Variants in CACNA1D observed in about 807,000 individuals in gnomAD.
CACNA1D encodes the protein calcium voltage-gated channel subunit alpha1 D.
Under a neutral mutation model 257.1 loss-of-function variants are expected in CACNA1D, and 55 were observed. That is an observed-to-expected ratio of 0.21 (90% confidence interval 0.17 to 0.27). The LOEUF is 0.27. Ranked by LOEUF, CACNA1D falls within the 10% of genes least tolerant of loss-of-function variation. CACNA1D has a pLI of 1.00. For synonymous variants in CACNA1D, 980 were observed against 1,014.9 expected, an observed-to-expected ratio of 0.97 and a Z score of 0.65; for missense variants, 1,876 against 2,784.0, an observed-to-expected ratio of 0.67 and a Z score of 7.34.
intron 20 of CACNA1D, among the ~76,000 whole-genome samples, chr3:53,736,909 A>C (rs2095062859): frequency 6.6e-6 from 1 of 151,692 alleles, no homozygotes; most frequent in Admixed American, 6.6e-5. Context: ...AAAAAACAAA[A>C]AGAACTCTAG....
chr3:53,687,210 T>C (rs986033268), intron 8 of CACNA1D, among the ~76,000 whole-genome samples: 7 of 152,094 alleles, frequency 4.6e-5, no homozygotes, highest in African/African-American at 1.7e-4. Context: ...TTTTTCTCTA[T>C]GCATTGAATG....
intron 5 of CACNA1D, 135 bp from the exon 6 acceptor site, chr3:53,665,525 T>C: frequency 2.8e-6 from 2 of 725,156 alleles, no homozygotes; most frequent in Non-Finnish European, 2.4e-6. Context: ...TTAATATTAA[T>C]GAAAAGCTTT....
chr3:53,679,954 T>C (rs1036160156), intron 8 of CACNA1D, among the ~76,000 whole-genome samples: 1 of 152,220 alleles, frequency 6.6e-6, no homozygotes, highest in Non-Finnish European at 1.5e-5. Flanking sequence ...CTAAATTTCC[T>C]TTTTCTAATA....
intron 3 of CACNA1D, among the ~76,000 whole-genome samples, chr3:53,538,742 G>C (rs924295883): frequency 6.6e-6 from 1 of 152,140 alleles, no homozygotes; most frequent in African/African-American, 2.4e-5. Flanking sequence ...TCTGGAATCA[G>C]CCATTTTCTT....
chr3:53,677,212 G>A (rs2094385092), intron 8 of CACNA1D, among the ~76,000 whole-genome samples: 1 of 152,162 alleles, frequency 6.6e-6, no homozygotes, highest in South Asian at 2.1e-4. Context: ...CCATCCCTAT[G>A]GTGGCAGTGT....
At chr3:53,540,046 A>G (rs1204448810) in intron 3 of CACNA1D, among the ~76,000 whole-genome samples, 1 of 144,912 alleles carries the variant, frequency 6.9e-6, no homozygotes, top group Non-Finnish European at 1.5e-5. Flanking sequence ...GCTTATCTTC[A>G]CTTTCTTTAT....
intron 3 of CACNA1D, among the ~76,000 whole-genome samples, chr3:53,505,993 GGT>G (rs2090829728): frequency 6.6e-6 from 1 of 152,148 alleles, no homozygotes; most frequent in African/African-American, 2.4e-5. Flanking sequence ...GTATCTGCAT[GGT>G]CACGTAGTTC....
chr3:53,537,703 T>C (rs2092154799), intron 3 of CACNA1D, among the ~76,000 whole-genome samples: 1 of 152,228 alleles, frequency 6.6e-6, no homozygotes. Flanking sequence ...ACTTGGTTGT[T>C]GTCCTTTAAG....
chr3:53,615,934 T>C lies in CACNA1D; in HGVS notation c.484-34845T>C, dbSNP rs141185753. ...TTTGCTGCAGTTTCTGTATTTTTGT[T>C]ACAGCTGGCCTGTCAGTTCTCATAC... On this transcript the variant is annotated intron_variant, in intron 3 of 47. Coordinates refer to ENST00000350061, the MANE Select transcript of CACNA1D (RefSeq NM_001128840.3). Among the ~76,000 whole-genome samples the C allele has an allele frequency of 1.6e-4, 25 of 152,344 alleles. No individual in the cohort carries two copies. In the East Asian group the frequency reaches 4.2e-3, roughly 26 times the overall value.
At chr3:53,534,848 C>A (rs978460505) in intron 3 of CACNA1D, among the ~76,000 whole-genome samples, 9 of 152,220 alleles carry the variant, frequency 5.9e-5, no homozygotes, top group Non-Finnish European at 1.0e-4. Context: ...CGGGCCAGAT[C>A]ACCATTTGCA....
At chr3:53,776,782 A>C in intron 36 of CACNA1D, 52 bp downstream of exon 36, 1 of 1,614,158 alleles carries the variant, frequency 6.2e-7, no homozygotes, top group South Asian at 1.1e-5. Context: ...TTGGAATGTC[A>C]GCTTTTTTTG....
intron 3 of CACNA1D, among the ~76,000 whole-genome samples, chr3:53,520,890 C>CT (rs1553713090): frequency 6.9e-4 from 83 of 120,640 alleles, no homozygotes; most frequent in South Asian, 6.2e-3. Context: ...TTCTTTCTTT[C>CT]TTTCTTTTCT....
intron 8 of CACNA1D, among the ~76,000 whole-genome samples, chr3:53,678,600 G>T (rs955924183): frequency 1.3e-5 from 2 of 152,044 alleles, no homozygotes; most frequent in African/African-American, 4.8e-5. Flanking sequence ...TTTGAATCTC[G>T]CCTCCTACAT....
intron 20 of CACNA1D, among the ~76,000 whole-genome samples, chr3:53,737,305 G>A (rs1273081315): frequency 1.3e-5 from 2 of 152,190 alleles, no homozygotes; most frequent in African/African-American, 4.8e-5. Context: ...GGGAAAAAAT[G>A]TACTGAATTT....
At chr3:53,607,454 A>C (rs980020370) in intron 3 of CACNA1D, among the ~76,000 whole-genome samples, 3 of 152,244 alleles carry the variant, frequency 2.0e-5, no homozygotes, top group Non-Finnish European at 4.4e-5. Context: ...AGGAGAGGTC[A>C]GACTTAAAGA....
At chr3:53,730,133 C>T (rs913105712) in intron 15 of CACNA1D, among the ~76,000 whole-genome samples, 5 of 151,978 alleles carry the variant, frequency 3.3e-5, no homozygotes, top group African/African-American at 9.7e-5. Context: ...GCTATAGATA[C>T]GTAGATGTTT....
At chr3:53,712,445 G>A (rs1291405291) in intron 9 of CACNA1D, among the ~76,000 whole-genome samples, 1 of 152,180 alleles carries the variant, frequency 6.6e-6, no homozygotes, top group Non-Finnish European at 1.5e-5. Flanking sequence ...GTCTGGCCTT[G>A]ACCTCCATTC....
intron 3 of CACNA1D, among the ~76,000 whole-genome samples, chr3:53,563,866 T>TG (rs1165435662): frequency 1.3e-5 from 2 of 152,218 alleles, no homozygotes; most frequent in African/African-American, 4.8e-5. Flanking sequence ...GAATTTTTCT[T>TG]GATACATATG....
At chr3:53,731,915 G>T (rs2094996958) in intron 17 of CACNA1D, 101 bp from the exon 18 acceptor site, 11 of 792,234 alleles carry the variant, frequency 1.4e-5, no homozygotes, top group South Asian at 1.4e-4. Flanking sequence ...CAGCTTTGGG[G>T]AGGAATCCAT....
Sources: gnomAD v4.1 joint callset for allele counts (sites outside exome capture counted in the v4.1 genomes callset) on GRCh38, gnomAD v4.1.1 for gene constraint, MANE v1.5 for transcripts, NCBI Gene and HGNC (gene_info 2026-07-23, HGNC 2026-07-21) for gene names.